VMAC: variants seen among roughly 807,000 people sequenced by gnomAD.
The protein encoded by VMAC is vimentin type intermediate filament associated coiled-coil protein.
Under a neutral mutation model 4.8 loss-of-function variants are expected in VMAC, and 8 were observed. The observed-to-expected ratio is 1.68, with a 90% CI of 0.99 to 3.03. The LOEUF is 3.03. Among genes scored for constraint, VMAC ranks in the 30% most tolerant of loss-of-function variants. The pLI, the probability that VMAC is intolerant of heterozygous loss-of-function variation, is 0.00. For missense variants in VMAC, 248 were observed against 245.1 expected, an observed-to-expected ratio of 1.01 and a Z score of -0.08; for synonymous variants, 96 against 113.7, an observed-to-expected ratio of 0.84 and a Z score of 0.99.
chr19:5,909,024 CG>C lies in VMAC; in HGVS notation c.394del (p.Ala132ProfsTer89), dbSNP rs753278315. 3.8e-6 allele frequency: 6 copies of C among 1,584,760 alleles called. No individual in the cohort carries two copies. Among genetic ancestry groups the C allele is most frequent in the Admixed American group, 1.8e-5 (1 of 55,268 alleles). The part of the protein sequence containing the change: ...LAEAERLGPL[P>X]ASDPGHPPPG... ...GAGGCTGAGCGCCTGGGGCCCCTGC[CG>C]GCCAGTGACCCCGGCCACCCACCCC... On this transcript the variant is annotated frameshift_variant, in exon 2 of 2. Coordinates refer to ENST00000339485, the MANE Select transcript of VMAC (RefSeq NM_001017921.4). LOFTEE classifies it low-confidence loss of function (END_TRUNC).
chr19:5,907,204 AGCC>A, intron 1 of VMAC, among the ~76,000 whole-genome samples: 1 of 152,152 alleles, frequency 6.6e-6, no homozygotes, highest in African/African-American at 2.4e-5. Context: ...GGGCAGAGAG[AGCC>A]AGGGAGTTCT....
Position 5,905,047 on chromosome 19 carries a change from G to C in VMAC, c.157G>C (p.Ala53Pro). 7.3e-7 allele frequency: 1 copy of C among 1,379,138 alleles called. No individual in the cohort carries two copies. The highest frequency in any genetic ancestry group is 3.1e-5 in the East Asian group (1 of 32,718). 85.4% of individuals were successfully genotyped at this position (1,379,138 alleles called of 1,614,324 possible). Residue 53 changes from alanine to proline, a missense_variant, in exon 1 of 2, where the codon GCC becomes CCC. Physicochemically the swap from Ala to Pro is conservative, Grantham distance 27. Coordinates refer to ENST00000339485, the MANE Select transcript of VMAC (RefSeq NM_001017921.4). ...RLALHDQQLR[A>P]ALDELGRAKD... ...GGCCCTCCACGACCAGCAGCTGCGC[G>C]CCGCCCTAGACGAACTGGGTCGCGC... is the stretch of plus-strand genomic sequence containing the variant.
chr19:5,905,176 G>A, intron 1 of VMAC, 95 bp downstream of exon 1: 1 of 1,247,172 alleles, frequency 8.0e-7, no homozygotes, highest in Non-Finnish European at 1.0e-6. Flanking sequence ...GGAACCGTGT[G>A]CACTTGTATA....
At position 5,909,728 on chromosome 19, in the gene VMAC, G is replaced by A. The variant is rs2057691399; in HGVS notation, c.*586G>A. The A allele has an allele frequency of 6.6e-6, 1 of 152,600 alleles. No homozygotes were observed. The highest frequency in any genetic ancestry group is 6.5e-5 in the Admixed American group (1 of 15,282). 9.5% of individuals were successfully genotyped at this position (152,600 alleles called of 1,614,324 possible). On this transcript the variant is annotated 3_prime_UTR_variant, in exon 2 of 2. Transcript: ENST00000339485. ...TGGTCTCAAACTCCTGACCTTAGGT[G>A]ATCCACCCGCCTCGGCCTTCGAAAG...
rs2057678342 is a variant in VMAC, at chr19:5,906,146, ATCCT to A, written c.191+1067_191+1070del. Among the ~76,000 whole-genome samples, 8 of 148,162 alleles carry A rather than the reference ATCCT, an allele frequency of 5.4e-5. 1 individual carries two copies. In the South Asian group the frequency reaches 1.5e-3, roughly 28 times the overall value. ...ACACCTGGCTGATTTAAAAAAAAAA[ATCCT>A]TTAGAAATGGGGTCAGACTATGTTG... On this transcript the variant is annotated intron_variant, in intron 1 of 1. Transcript: ENST00000339485.
chr19:5,906,763 G>A (rs549764462), intron 1 of VMAC, among the ~76,000 whole-genome samples: 1 of 152,218 alleles, frequency 6.6e-6, no homozygotes, highest in Non-Finnish European at 1.5e-5. Context: ...GGTGGCTCAC[G>A]CCTGTAATCC....
chr19:5,905,979 C>G (rs567729930), intron 1 of VMAC, among the ~76,000 whole-genome samples: 1 of 151,446 alleles, frequency 6.6e-6, no homozygotes, highest in African/African-American at 2.4e-5. Context: ...ACAGGCTAAG[C>G]CACCATGCCT....
At chr19:5,906,515 A>AT (rs1364016045) in intron 1 of VMAC, among the ~76,000 whole-genome samples, 1 of 152,196 alleles carries the variant, frequency 6.6e-6, no homozygotes, top group Non-Finnish European at 1.5e-5. Context: ...AGCCTTGCCC[A>AT]TTGGGTATCC....
rs1391224197 is a variant in VMAC, at chr19:5,908,577, T to C, written c.192-247T>C. Among the ~76,000 whole-genome samples the C allele has an allele frequency of 6.7e-6, 1 of 149,556 alleles. No homozygotes were observed. Among genetic ancestry groups the C allele is most frequent in the Non-Finnish European group, 1.5e-5 (1 of 67,394 alleles). ...GTTGCAGTGAGCTGAGATTGCACCA[T>C]TGCACTCCAGCCTGGGCGACAGAGC... is the stretch of plus-strand genomic sequence containing the variant. On this transcript the variant is annotated intron_variant, in intron 1 of 1. Transcript: ENST00000339485. The surrounding 1 kb of genome is among the most constrained non-coding windows in gnomAD (Gnocchi z 4.5).
Position 5,910,035 on chromosome 19 carries a change from C to G in VMAC, c.*893C>G, listed in dbSNP as rs2057692427. On this transcript the variant is annotated 3_prime_UTR_variant, in exon 2 of 2. Transcript: ENST00000339485. Reference sequence around the variant, plus strand: ...TGTCACACCAGGAACCGGCGAGGGGCACAGCCTGTTTCAGACCAGAAAGGT... The same window carrying G: ...TGTCACACCAGGAACCGGCGAGGGGGACAGCCTGTTTCAGACCAGAAAGGT... 6.6e-6 allele frequency: 1 copy of G among 152,208 alleles called. No individual in the cohort carries two copies. Among genetic ancestry groups the G allele is most frequent in the Admixed American group, 6.5e-5 (1 of 15,276 alleles). The allele number at this position is 152,208 out of a possible 1,614,324, so 9.4% of individuals were successfully genotyped here.
intron 1 of VMAC, among the ~76,000 whole-genome samples, chr19:5,907,828 T>G (rs2057684397): frequency 6.6e-6 from 1 of 151,760 alleles, no homozygotes; most frequent in African/African-American, 2.4e-5. Flanking sequence ...GGATTCCCCC[T>G]TTGCTGGTCT....
intron 1 of VMAC, among the ~76,000 whole-genome samples, chr19:5,907,623 A>AAAAAAACAAAC (rs1429192021): frequency 3.6e-5 from 5 of 138,290 alleles, no homozygotes; most frequent in African/African-American, 1.3e-4. Flanking sequence ...AAAAAAAAAA[A>AAAAAAACAAAC]AAAAAAAAAA....
intron 1 of VMAC, among the ~76,000 whole-genome samples, chr19:5,907,505 G>A (rs2144971561): frequency 6.6e-6 from 1 of 150,616 alleles, no homozygotes; most frequent in East Asian, 2.0e-4. Context: ...GGGCGCAATG[G>A]CTCACGCCTA....
chr19:5,908,693 C>T lies in VMAC; in HGVS notation c.192-131C>T. 1.4e-6 allele frequency: 1 copy of T among 705,650 alleles called. No individual in the cohort carries two copies. Among genetic ancestry groups the T allele is most frequent in the Non-Finnish European group, 2.4e-6 (1 of 415,042 alleles). 43.7% of individuals were successfully genotyped at this position (705,650 alleles called of 1,614,324 possible). On this transcript the variant is annotated intron_variant, in intron 1 of 1. Coordinates refer to ENST00000339485, the MANE Select transcript of VMAC (RefSeq NM_001017921.4). The surrounding 1 kb of genome is among the most constrained non-coding windows in gnomAD (Gnocchi z 4.5). ...ACATTCTGTTCATAACCAGGGAGGA[C>T]CCTGAGGCAGTGGTGAGGAATGCGG...
rs1313674470 is a variant in VMAC at position 5,904,930 on chromosome 19, G to GCA, written c.44_45dup (p.Leu16ThrfsTer41). On this transcript the variant is annotated frameshift_variant, in exon 1 of 2. Coordinates refer to ENST00000339485, the MANE Select transcript of VMAC (RefSeq NM_001017921.4). LOFTEE classifies it high-confidence loss of function. ...GGCCCTGCAGATCCGGGAGGCAAAC[G>GCA]CACACCTGGCAGCCGTGCACCGGCG... 1 of 1,490,622 alleles carries GCA rather than the reference G, an allele frequency of 6.7e-7. No individual in the cohort carries two copies. Among genetic ancestry groups the GCA allele is most frequent in the East Asian group, 2.9e-5 (1 of 34,842 alleles). 92.3% of individuals were successfully genotyped at this position (1,490,622 alleles called of 1,614,324 possible).
Sources: allele counts gnomAD v4.1 joint callset (sites outside exome capture counted in the v4.1 genomes callset), GRCh38; gene constraint gnomAD v4.1.1; non-coding constraint Gnocchi (gnomAD v3.1); transcripts MANE v1.5; gene names NCBI Gene and HGNC (gene_info 2026-07-23, HGNC 2026-07-21).